Variants in ANKDD1B observed in about 807,000 individuals in gnomAD.
The protein encoded by ANKDD1B is ankyrin repeat and death domain-containing protein 1B.
Under a neutral mutation model 59.7 loss-of-function variants are expected in ANKDD1B, and 57 were observed. The observed-to-expected ratio is 0.95, with a 90% CI of 0.77 to 1.19. The LOEUF is 1.19. ANKDD1B is among the 50% of genes most tolerant of loss of function. The pLI, the probability that ANKDD1B is intolerant of heterozygous loss-of-function variation, is 0.00. For synonymous variants in ANKDD1B, 216 were observed against 239.5 expected, an observed-to-expected ratio of 0.90 and a Z score of 0.91; for missense variants, 602 against 641.9, an observed-to-expected ratio of 0.94 and a Z score of 0.67.
intron 2 of ANKDD1B, among the ~76,000 whole-genome samples, chr5:75,618,300 A>G (rs1235798385): frequency 6.6e-6 from 1 of 152,204 alleles, no homozygotes; most frequent in Non-Finnish European, 1.5e-5. Context: ...AAGTGAAGCA[A>G]TAATCACTTT....
chr5:75,662,503 ATTTCTGACCATTAATTTTAATTGT>A (rs1775183917), intron 10 of ANKDD1B, among the ~76,000 whole-genome samples: 1 of 152,148 alleles, frequency 6.6e-6, no homozygotes, highest in Non-Finnish European at 1.5e-5. Flanking sequence ...TTCTTGGGTC[ATTTCTGACCATTAATTTTAATTGT>A]TTTCTGAGCA....
intron 10 of ANKDD1B, among the ~76,000 whole-genome samples, chr5:75,660,697 G>C (rs1403410052): frequency 6.6e-6 from 1 of 152,162 alleles, no homozygotes; most frequent in South Asian, 2.1e-4. Flanking sequence ...GCTCACGCAG[G>C]CCATATTACT....
In ANKDD1B at chr5:75,630,034, C is replaced by G. The variant is rs376129989; in HGVS notation, c.600+4079C>G. Among the ~76,000 whole-genome samples the G allele has an allele frequency of 2.8e-3, 428 of 152,256 alleles. 2 individuals carry two copies. The highest frequency in any genetic ancestry group is 0.02 in the Middle Eastern group (6 of 294). ...TACTTAAACGGGCAGGATCCTGAGC[C>G]AGGGAGTCTTTGCGATTTGCCCAAG... On this transcript the variant is annotated intron_variant, in intron 5 of 13. Coordinates refer to ENST00000601380, the MANE Select transcript of ANKDD1B (RefSeq NM_001276713.2).
At chr5:75,627,835 C>G (rs532762505) in intron 5 of ANKDD1B, among the ~76,000 whole-genome samples, 5 of 152,172 alleles carry the variant, frequency 3.3e-5, no homozygotes, top group Admixed American at 6.5e-5. Context: ...TTGCGGGGAG[C>G]CTTCCCCACT....
chr5:75,662,021 C>T (rs1319434588), intron 10 of ANKDD1B, among the ~76,000 whole-genome samples: 7 of 146,344 alleles, frequency 4.8e-5, no homozygotes, highest in Non-Finnish European at 1.0e-4. Flanking sequence ...AGCTTGTTCT[C>T]TGCTTGTCCT....
intron 7 of ANKDD1B, among the ~76,000 whole-genome samples, chr5:75,642,473 A>G (rs1164862213): frequency 4.3e-5 from 6 of 139,872 alleles, no homozygotes; most frequent in African/African-American, 8.2e-5. Context: ...TCCGAGTCAA[A>G]GAAAGGGGTG....
intron 8 of ANKDD1B, among the ~76,000 whole-genome samples, chr5:75,655,807 T>C (rs890384551): frequency 2.0e-5 from 3 of 152,184 alleles, no homozygotes; most frequent in African/African-American, 7.2e-5. Flanking sequence ...AGTATGTTGT[T>C]CCAGAAAGAA....
At chr5:75,669,011 T>C (rs1775393530) in intron 12 of ANKDD1B, among the ~76,000 whole-genome samples, 1 of 152,194 alleles carries the variant, frequency 6.6e-6, no homozygotes, top group Admixed American at 6.5e-5. Context: ...ACCACAGCTG[T>C]CCTCTCTCTT....
At chr5:75,631,573 TTCTAAGCCA>T (rs1483030778) in intron 5 of ANKDD1B, among the ~76,000 whole-genome samples, 1 of 152,178 alleles carries the variant, frequency 6.6e-6, no homozygotes, top group East Asian at 1.9e-4. Context: ...GGCATGAGCC[TTCTAAGCCA>T]GGATGGCTCC....
intron 5 of ANKDD1B, among the ~76,000 whole-genome samples, chr5:75,627,017 A>G (rs1039590285): frequency 6.6e-5 from 10 of 152,222 alleles, no homozygotes; most frequent in African/African-American, 1.7e-4. Flanking sequence ...CTTAAAAACA[A>G]CAATATTAAT....
At chr5:75,635,720 T>C in intron 6 of ANKDD1B, 64 bp from the exon 7 acceptor site, 2 of 1,063,950 alleles carry the variant, frequency 1.9e-6, no homozygotes, top group Middle Eastern at 2.1e-4. Context: ...TTGCAGCCCT[T>C]ACTATTGAAG....
chr5:75,663,840 G>A (rs559845614), intron 11 of ANKDD1B, among the ~76,000 whole-genome samples: 1 of 152,324 alleles, frequency 6.6e-6, no homozygotes, highest in Non-Finnish European at 1.5e-5. Flanking sequence ...GCACGAATGA[G>A]TGGTTAAAAA....
At chr5:75,626,677 G>T (rs1006681869) in intron 5 of ANKDD1B, among the ~76,000 whole-genome samples, 1 of 152,214 alleles carries the variant, frequency 6.6e-6, no homozygotes, top group African/African-American at 2.4e-5. Flanking sequence ...GCCAGGTCTG[G>T]CTGAATCCAG....
chr5:75,662,858 G>A (rs560935002), intron 10 of ANKDD1B, among the ~76,000 whole-genome samples: 8 of 152,088 alleles, frequency 5.3e-5, no homozygotes, highest in African/African-American at 1.9e-4. Flanking sequence ...TTTCTAGTTA[G>A]GGGTCCAGTG....
intron 7 of ANKDD1B, among the ~76,000 whole-genome samples, chr5:75,641,556 C>A (rs532498003): frequency 1.8e-4 from 28 of 152,268 alleles, no homozygotes; most frequent in Non-Finnish European, 3.8e-4. Context: ...CATATATATA[C>A]CAACACTGTA....
intron 7 of ANKDD1B, among the ~76,000 whole-genome samples, chr5:75,648,269 A>AAAAAAAAAATT (rs1554068901): frequency 2.5e-4 from 9 of 35,992 alleles, no homozygotes; most frequent in East Asian, 1.0e-3. Flanking sequence ...AAAAAAATTA[A>AAAAAAAAAATT]AAAAAAAAAA....
intron 13 of ANKDD1B, 73 bp downstream of exon 13, chr5:75,669,456 C>T: frequency 8.4e-7 from 1 of 1,192,362 alleles, no homozygotes; most frequent in Non-Finnish European, 1.0e-6. Context: ...GAAATATCAT[C>T]CTGACCAGCT....
chr5:75,626,939 C>G (rs1051118192), intron 5 of ANKDD1B, among the ~76,000 whole-genome samples: 3 of 152,172 alleles, frequency 2.0e-5, no homozygotes, highest in Admixed American at 6.5e-5. Flanking sequence ...TCTTTAGAAG[C>G]TGGTCAGTAA....
rs1049327123 is a variant in ANKDD1B at position 75,671,056 on chromosome 5, G to C, written c.*16G>C. 5.9e-5 allele frequency: 70 copies of C among 1,185,276 alleles called. No individual in the cohort carries two copies. In the African/African-American group the frequency reaches 1.1e-3, roughly 18 times the overall value. 73.4% of individuals were successfully genotyped at this position (1,185,276 alleles called of 1,614,324 possible). A position where few individuals can be genotyped will look rare whatever the true frequency, so the allele number is the denominator to read the frequency against. ...AGTTTCATAAATGCCTAAAGAAATT[G>C]TATTTACATGATTTTCCACTCAGCA... On this transcript the variant is annotated 3_prime_UTR_variant, in exon 14 of 14. Coordinates refer to ENST00000601380, the MANE Select transcript of ANKDD1B (RefSeq NM_001276713.2).
Sources: allele counts gnomAD v4.1 joint callset (sites outside exome capture counted in the v4.1 genomes callset), GRCh38; gene constraint gnomAD v4.1.1; transcripts MANE v1.5; gene names NCBI Gene and HGNC (gene_info 2026-07-23, HGNC 2026-07-21).